Variants in FKBP8 observed in about 807,000 individuals in gnomAD.
The protein encoded by FKBP8 is peptidyl-prolyl cis-trans isomerase FKBP8.
FKBP8 carries 5 observed loss-of-function variants against 41.7 expected under a neutral mutation model. The ratio of observed to expected loss-of-function variants is 0.12; its 90% CI spans 0.06 to 0.25. The LOEUF is 0.25. FKBP8 is among the 10% of genes least tolerant of loss of function. FKBP8 has a pLI of 1.00. For missense variants in FKBP8, 397 were observed against 563.0 expected, an observed-to-expected ratio of 0.71 and a Z score of 2.98; for synonymous variants, 279 against 254.5, an observed-to-expected ratio of 1.10 and a Z score of -0.92.
intron 7 of FKBP8, 75 bp from the exon 8 acceptor site, chr19:18,532,870 C>A: frequency 1.3e-6 from 2 of 1,573,626 alleles, no homozygotes; most frequent in Non-Finnish European, 1.7e-6. Context: ...TACTGGGACC[C>A]TAGGCTGTTT....
At chr19:18,536,122 C>T (rs8104439) in intron 6 of FKBP8, 7,811 of 152,072 alleles carry the variant, frequency 0.051, 665 homozygotes, top group African/African-American at 0.18. Flanking sequence ...TGCAGAACTC[C>T]GCACACAGTA....
Position 18,539,693 on chromosome 19 carries a change from A to C in FKBP8, c.320T>G (p.Leu107Arg), listed in dbSNP as rs763890504. 1 of 1,609,522 alleles carries C rather than the reference A, an allele frequency of 6.2e-7. No individual in the cohort carries two copies. The highest frequency in any genetic ancestry group is 2.2e-5 in the East Asian group (1 of 44,878). Residue 107 changes from leucine (L) to arginine (R), a missense_variant, in exon 3 of 9, where the codon CTG (leucine) becomes CGG (arginine). Transcript: ENST00000608443. ...LGNGLLRKKT[L>R]VPGPPGSSRP... ...GCTCGAACCTGGCGGCCCTGGGACCAGCGTCTTCTTCCTCAACAGCCCGTT... is the reference window on the plus strand; with the variant it reads ...GCTCGAACCTGGCGGCCCTGGGACCCGCGTCTTCTTCCTCAACAGCCCGTT...
rs750954282 is a variant in FKBP8, at chr19:18,539,715, C to T, written c.298G>A (p.Gly100Arg). The change falls in exon 3 of 9, where the codon GGG becomes AGG. Residue 100 changes from glycine (G) to arginine (R), a missense_variant. Coordinates refer to ENST00000608443, the MANE Select transcript of FKBP8 (RefSeq NM_012181.5). ...ACCAGCGTCTTCTTCCTCAACAGCC[C>T]GTTCCCTGCCAGGGTCCAGGGACAT... ...PEEWLDILGN[G>R]LLRKKTLVPG... The T allele has an allele frequency of 5.6e-6, 9 of 1,606,976 alleles. No homozygotes were observed. Among genetic ancestry groups the T allele is most frequent in the South Asian group, 1.1e-5 (1 of 91,072 alleles).
At chr19:18,539,825 G>A (rs904450531) in intron 2 of FKBP8, 105 bp from the exon 3 acceptor site, 64 of 1,371,180 alleles carry the variant, frequency 4.7e-5, no homozygotes, top group Non-Finnish European at 5.9e-5. Context: ...TAGCTGTCCA[G>A]AGGGGGCTGG....
chr19:18,534,479 C>CT (rs1976523941), intron 6 of FKBP8, among the ~76,000 whole-genome samples: 1 of 152,188 alleles, frequency 6.6e-6, no homozygotes, highest in Non-Finnish European at 1.5e-5. Context: ...CATGCTCCTC[C>CT]TTCCTGTCTC....
chr19:18,541,103 CTT>C (rs1237746149), intron 2 of FKBP8, among the ~76,000 whole-genome samples: 8 of 151,388 alleles, frequency 5.3e-5, no homozygotes, highest in Admixed American at 1.3e-4. Context: ...TAACATTTCT[CTT>C]GTTTTCAGTT....
At position 18,537,943 on chromosome 19, in the gene FKBP8, T is replaced by A; in HGVS notation, c.773-170A>T. 2 of 750,418 alleles carry A rather than the reference T, an allele frequency of 2.7e-6. No individual in the cohort carries two copies. Among genetic ancestry groups the A allele is most frequent in the Non-Finnish European group, 4.2e-6 (2 of 472,450 alleles). The allele number at this position is 750,418 out of a possible 1,614,324, so 46.5% of individuals were successfully genotyped here. ...CTGAGGAAGCTACAAGATGGAGACT[T>A]AAGCAAGCGAGGGCCTAGCCTGTGG... On this transcript the variant is annotated intron_variant, in intron 5 of 8. Transcript: ENST00000608443. This position sits in a 1 kb window ranked among gnomAD's most constrained non-coding sequence, Gnocchi z 4.4.
chr19:18,536,420 G>A (rs1207236322), intron 6 of FKBP8, among the ~76,000 whole-genome samples: 4 of 152,102 alleles, frequency 2.6e-5, no homozygotes, highest in Non-Finnish European at 5.9e-5. Flanking sequence ...GTGCAGTGGT[G>A]TGATCAAGGC....
Position 18,532,868 on chromosome 19 carries a change from C to T in FKBP8, c.1024-73G>A. On this transcript the variant is annotated intron_variant, in intron 7 of 8. Coordinates refer to ENST00000608443, the MANE Select transcript of FKBP8 (RefSeq NM_012181.5). ...TCACTGGCGCTCTGCCTTACTGGGA[C>T]CCTAGGCTGTTTGGGTGGTGGGACT... The T allele has an allele frequency of 3.2e-6, 5 of 1,574,180 alleles. No homozygotes were observed. In the South Asian group the frequency reaches 5.7e-5, roughly 18 times the overall value.
Position 18,537,444 on chromosome 19 carries a change from G to T in FKBP8, c.945+157C>A, listed in dbSNP as rs1407432872. On this transcript the variant is annotated intron_variant, in intron 6 of 8. Coordinates refer to ENST00000608443, the MANE Select transcript of FKBP8 (RefSeq NM_012181.5). The surrounding 1 kb of genome is among the most constrained non-coding windows in gnomAD (Gnocchi z 4.4). Reference sequence around the variant, plus strand: ...TCAGCCAATGAATTGTTGTGACCAGGCCACACTCCTGCACCCGTCTGGGCC... The same window carrying T: ...TCAGCCAATGAATTGTTGTGACCAGTCCACACTCCTGCACCCGTCTGGGCC... 6.6e-6 allele frequency among the ~76,000 whole-genome samples: 1 copy of T among 152,148 alleles called. No homozygotes were observed. Among genetic ancestry groups the T allele is most frequent in the Non-Finnish European group, 1.5e-5 (1 of 68,012 alleles).
chr19:18,534,873 T>C (rs902716556), intron 6 of FKBP8, among the ~76,000 whole-genome samples: 5 of 152,002 alleles, frequency 3.3e-5, no homozygotes, highest in Admixed American at 2.0e-4. Flanking sequence ...ATGCAAGCTC[T>C]GCCTCCCGGG....
chr19:18,534,190 C>T (rs959800057), intron 6 of FKBP8, among the ~76,000 whole-genome samples: 8 of 151,520 alleles, frequency 5.3e-5, no homozygotes, highest in Non-Finnish European at 8.8e-5. Flanking sequence ...GCCTGTAGTC[C>T]CAGCTACTCG....
chr19:18,539,358 G>T lies in FKBP8; in HGVS notation c.551+13C>A. ...CTGAGACCTGCAGAGACCTAAGGGTGGCTGACTCTCACCTGCCTTGGGGGC... is the reference window on the plus strand; with the variant it reads ...CTGAGACCTGCAGAGACCTAAGGGTTGCTGACTCTCACCTGCCTTGGGGGC... On this transcript the variant is annotated intron_variant, in intron 4 of 8. Transcript: ENST00000608443. 6.2e-7 allele frequency: 1 copy of T among 1,608,678 alleles called. No individual in the cohort carries two copies. The highest frequency in any genetic ancestry group is 8.5e-7 in the Non-Finnish European group (1 of 1,177,348).
chr19:18,532,029 T>C lies in FKBP8; in HGVS notation c.*140A>G. ...CCTCAGTCCCTCCTGCTGGCTGGGC[T>C]GCACGACCCCCAATCCTTGCTCCCC... On this transcript the variant is annotated 3_prime_UTR_variant, in exon 9 of 9. Coordinates refer to ENST00000608443, the MANE Select transcript of FKBP8 (RefSeq NM_012181.5). The C allele has an allele frequency of 1.4e-6, 1 of 730,020 alleles. No homozygotes were observed. The highest frequency in any genetic ancestry group is 2.4e-6 in the Non-Finnish European group (1 of 425,014). The allele number at this position is 730,020 out of a possible 1,614,324, so 45.2% of individuals were successfully genotyped here. A position where few individuals can be genotyped will look rare whatever the true frequency, so the allele number is the denominator to read the frequency against.
Position 18,541,863 on chromosome 19 carries a change from C to T in FKBP8, c.108G>A (p.Glu36=), listed in dbSNP as rs371561631. ...CCTCCTCTTCCTCCTCCTCTTCCTC[C>T]TCACCCTCTGCATCCTCAACCCCAT... ...VLDGVEDAEG[E]EEEEEEEEEE... is the part of the protein sequence containing the mutation. Residue 36 remains glutamate, a synonymous_variant, in exon 2 of 9, where the codon GAG becomes GAA. Transcript: ENST00000608443. 6.2e-7 allele frequency: 1 copy of T among 1,613,462 alleles called. No homozygotes were observed. Among genetic ancestry groups the T allele is most frequent in the Non-Finnish European group, 8.5e-7 (1 of 1,179,740 alleles).
chr19:18,535,367 T>C (rs184737370), intron 6 of FKBP8, among the ~76,000 whole-genome samples: 4 of 152,192 alleles, frequency 2.6e-5, no homozygotes, highest in Admixed American at 2.6e-4. Flanking sequence ...GGCCCTGATG[T>C]TTCCAAAGCT....
chr19:18,533,307 A>G lies in FKBP8; in HGVS notation c.986T>C (p.Ile329Thr). 6.2e-7 allele frequency: 1 copy of G among 1,605,368 alleles called. No individual in the cohort carries two copies. Residue 329 changes from isoleucine (I) to threonine (T), a missense_variant, in exon 7 of 9, where the codon ATC (isoleucine) becomes ACC (threonine). Ile to Thr is a moderately conservative substitution (Grantham distance 89). This residue lies in a region of FKBP8 where 225 missense variants were observed against 366.8 expected (regional missense o/e 0.61). Transcript: ENST00000608443. ...QQGEYSEAIP[I>T]LRAALKLEPS... is the part of the protein sequence containing the mutation. The stretch of plus-strand genomic sequence containing the variant: ...TTCCAGCTTCAGGGCTGCCCTCAGG[A>G]TGGGGATGGCCTCACTGTACTCCCC...
chr19:18,534,667 A>T (rs1185806286), intron 6 of FKBP8, among the ~76,000 whole-genome samples: 1 of 151,128 alleles, frequency 6.6e-6, no homozygotes, highest in Non-Finnish European at 1.5e-5. Context: ...CTGCAGCCTC[A>T]AACTCCTAGG....
In FKBP8 at chr19:18,533,322, C is replaced by T. The variant is rs780279721; in HGVS notation, c.971G>A (p.Ser324Asn). ...GKVLAQQGEY[S>N]EAIPILRAAL... ...TGCCCTCAGGATGGGGATGGCCTCA[C>T]TGTACTCCCCCTGCTGGGCCAGCAC... is the stretch of plus-strand genomic sequence containing the variant. Residue 324 changes from serine (S) to asparagine (N), a missense_variant, in exon 7 of 9, where the codon AGT (serine) becomes AAT (asparagine). Transcript: ENST00000608443. 6.2e-7 allele frequency: 1 copy of T among 1,606,520 alleles called. No homozygotes were observed. Among genetic ancestry groups the T allele is most frequent in the Non-Finnish European group, 8.5e-7 (1 of 1,176,694 alleles).
Sources: gnomAD v4.1 joint callset for allele counts (sites outside exome capture counted in the v4.1 genomes callset) on GRCh38, gnomAD v4.1.1 for gene constraint, gnomAD v4.1.1 regional missense constraint, Gnocchi (gnomAD v3.1) non-coding constraint, MANE v1.5 for transcripts, NCBI Gene and HGNC (gene_info 2026-07-23, HGNC 2026-07-21) for gene names.